Variants in SPMIP2 observed in about 807,000 individuals in gnomAD.
The protein encoded by SPMIP2 is sperm microtubule inner protein 2, also known as protein SPMIP2.
chr4:159,036,433 G>C, the SPMIP2 span, among the ~76,000 whole-genome samples: 1 of 152,190 alleles, frequency 6.6e-6, no homozygotes, highest in Non-Finnish European at 1.5e-5. Context: ...GTCAGGTACT[G>C]AATGAGGTAG....
the SPMIP2 span, among the ~76,000 whole-genome samples, chr4:159,066,212 A>G: frequency 6.6e-6 from 1 of 152,226 alleles, no homozygotes; most frequent in African/African-American, 2.4e-5. Context: ...TTGCCATAAA[A>G]CACTATGAAT....
At chr4:159,037,715 G>A in the SPMIP2 span, among the ~76,000 whole-genome samples, 2 of 151,446 alleles carry the variant, frequency 1.3e-5, no homozygotes, top group African/African-American at 4.9e-5. Context: ...TGAGACTACA[G>A]TGAGCTGTGA....
At chr4:159,069,377 T>G in the SPMIP2 span, among the ~76,000 whole-genome samples, 1 of 152,154 alleles carries the variant, frequency 6.6e-6, no homozygotes, top group Non-Finnish European at 1.5e-5. Flanking sequence ...GCTTCTGAAA[T>G]TAAATAATGC....
chr4:159,034,993 T>A, the SPMIP2 span: 2 of 1,508,374 alleles, frequency 1.3e-6, no homozygotes, highest in African/African-American at 2.8e-5. Flanking sequence ...AAAAAGCAAA[T>A]TTAGATCTCC....
the SPMIP2 span, among the ~76,000 whole-genome samples, chr4:158,912,729 T>C: frequency 1.3e-5 from 2 of 152,200 alleles, no homozygotes; most frequent in Admixed American, 1.3e-4. Flanking sequence ...TCCACACAAA[T>C]TCTGCAGGAC....
the SPMIP2 span, among the ~76,000 whole-genome samples, chr4:158,964,176 ACAAAAC>A: frequency 5.0e-4 from 42 of 83,170 alleles, 2 homozygotes; most frequent in African/African-American, 1.4e-3. Context: ...ACAAAACAAA[ACAAAAC>A]AAAACAAAAA....
At chr4:158,901,265 T>C in the SPMIP2 span, among the ~76,000 whole-genome samples, 1 of 151,752 alleles carries the variant, frequency 6.6e-6, no homozygotes, top group Non-Finnish European at 1.5e-5. Flanking sequence ...CCAGAGTAGC[T>C]GGGATTACAG....
chr4:158,956,565 A>C, the SPMIP2 span, among the ~76,000 whole-genome samples: 1 of 151,028 alleles, frequency 6.6e-6, no homozygotes, highest in East Asian at 1.9e-4. Flanking sequence ...TCTGTCTCAA[A>C]AAAGATAAAT....
At chr4:158,982,747 G>A in the SPMIP2 span, among the ~76,000 whole-genome samples, 1 of 152,160 alleles carries the variant, frequency 6.6e-6, no homozygotes, top group South Asian at 2.1e-4. Flanking sequence ...AATTTATAGA[G>A]TAAATGTCCA....
At chr4:159,003,755 C>G in the SPMIP2 span, among the ~76,000 whole-genome samples, 1 of 152,094 alleles carries the variant, frequency 6.6e-6, no homozygotes, top group Admixed American at 6.6e-5. Context: ...TCAAGGTAGA[C>G]AGAAAAATAC....
the SPMIP2 span, among the ~76,000 whole-genome samples, chr4:158,918,741 A>G: frequency 6.6e-6 from 1 of 152,200 alleles, no homozygotes; most frequent in African/African-American, 2.4e-5. Context: ...GTGGGGATTT[A>G]CCCACACTGT....
At chr4:158,983,456 G>C in the SPMIP2 span, among the ~76,000 whole-genome samples, 2 of 151,750 alleles carry the variant, frequency 1.3e-5, no homozygotes, top group Non-Finnish European at 2.9e-5. Context: ...GGCTAACAGC[G>C]GATCTCTCGG....
At chr4:158,941,207 T>C in the SPMIP2 span, among the ~76,000 whole-genome samples, 1 of 152,230 alleles carries the variant, frequency 6.6e-6, no homozygotes, top group Non-Finnish European at 1.5e-5. Flanking sequence ...AGGTATTTTA[T>C]GTTAACATCT....
At chr4:158,905,367 CACTTACCAAAGTTATTTCT>C in the SPMIP2 span, 5 of 152,102 alleles carry the variant, frequency 3.3e-5, no homozygotes, top group Non-Finnish European at 7.4e-5. Flanking sequence ...TAAGAGAGGC[CACTTACCAAAGTTATTTCT>C]ATAAGCTCAA....
the SPMIP2 span, among the ~76,000 whole-genome samples, chr4:159,077,080 C>T: frequency 0.015 from 2,248 of 151,484 alleles, 50 homozygotes; most frequent in African/African-American, 0.052. Context: ...AGGTGATCTG[C>T]CCACCTTGGC....
the SPMIP2 span, among the ~76,000 whole-genome samples, chr4:159,074,559 TG>T: frequency 6.6e-6 from 1 of 152,188 alleles, no homozygotes; most frequent in Admixed American, 6.5e-5. Context: ...CTTATTAGTC[TG>T]GCTTAGAGTG....
the SPMIP2 span, among the ~76,000 whole-genome samples, chr4:159,017,291 AAC>A: frequency 6.6e-6 from 1 of 152,068 alleles, no homozygotes; most frequent in Non-Finnish European, 1.5e-5. Context: ...CCCTGGATGG[AAC>A]AGTCAATCAA....
the SPMIP2 span, among the ~76,000 whole-genome samples, chr4:159,040,633 A>G: frequency 6.6e-6 from 1 of 151,756 alleles, no homozygotes; most frequent in Non-Finnish European, 1.5e-5. Flanking sequence ...ACTTGGCTAA[A>G]TTTTGTACAT....
At chr4:159,007,619 C>T in the SPMIP2 span, 1 of 978,098 alleles carries the variant, frequency 1.0e-6, no homozygotes, top group Non-Finnish European at 1.6e-6. Flanking sequence ...CCAAGTACTT[C>T]TCAGAACGTC....
Sources: gnomAD v4.1 joint callset for allele counts (sites outside exome capture counted in the v4.1 genomes callset) on GRCh38, gnomAD v4.1.1 for gene constraint, MANE v1.5 for transcripts, NCBI Gene and HGNC (gene_info 2026-07-23, HGNC 2026-07-21) for gene names.